Variants in FGF14 observed in about 807,000 individuals in gnomAD.
The protein encoded by FGF14 is fibroblast growth factor 14.
Under a neutral mutation model 25.5 loss-of-function variants are expected in FGF14, and 5 were observed. The observed-to-expected ratio is 0.20, with a 90% CI of 0.10 to 0.41. The LOEUF (loss-of-function observed/expected upper bound fraction) is 0.41, where lower values mean the gene tolerates loss of function less well. Among genes scored for constraint, FGF14 ranks in the 10% least tolerant of loss-of-function variants. The probability of loss-of-function intolerance (pLI) is 1.00; values close to 1 mark genes in which losing one functional copy is unlikely to be tolerated. For synonymous variants in FGF14, 138 were observed against 118.3 expected (o/e 1.17, Z -1.08); for missense variants, 222 against 320.1 (o/e 0.69, Z 2.34).
intron 3 of FGF14, among the ~76,000 whole-genome samples, chr13:101,821,316 TCTTTTTCTC>T (rs1423624015): frequency 6.6e-6 from 1 of 152,192 alleles, no homozygotes; most frequent in Non-Finnish European, 1.5e-5. Context: ...GTGTCTGGTT[TCTTTTTCTC>T]CTTTTTATGT....
intron 3 of FGF14, among the ~76,000 whole-genome samples, chr13:101,760,874 A>T: frequency 6.6e-6 from 1 of 152,174 alleles, no homozygotes; most frequent in East Asian, 1.9e-4. Context: ...GTAGACAATG[A>T]GCATTTGTCT....
At chr13:102,194,031 T>G (rs1402248607) in intron 1 of FGF14, among the ~76,000 whole-genome samples, 1 of 152,060 alleles carries the variant, frequency 6.6e-6, no homozygotes, top group Non-Finnish European at 1.5e-5. Context: ...AAACCATGAA[T>G]ACACATTTAA....
intron 3 of FGF14, among the ~76,000 whole-genome samples, chr13:101,770,262 T>C (rs2038687687): frequency 1.3e-5 from 2 of 152,180 alleles, no homozygotes; most frequent in African/African-American, 4.8e-5. Flanking sequence ...TGTGGGCTAA[T>C]GTGTGCTGTT....
intron 1 of FGF14, among the ~76,000 whole-genome samples, chr13:102,361,757 A>T (rs1460165976): frequency 6.6e-6 from 1 of 152,198 alleles, no homozygotes; most frequent in Non-Finnish European, 1.5e-5. Flanking sequence ...CAGATTTCAC[A>T]TCTTCCAAAC....
Position 102,210,411 on chromosome 13 carries a change from C to T in FGF14, c.208+191060G>A, listed in dbSNP as rs1240857005. Among the ~76,000 whole-genome samples, 4 of 151,938 alleles carry T rather than the reference C, an allele frequency of 2.6e-5. No individual in the cohort carries two copies. The East Asian group carries it at 5.8e-4, about 22-fold the overall frequency. ...CATATATTCTTAAAAGAGAGATGTA[C>T]CATTTTTGTTCTAAAATGGAAACAT... On this transcript the variant is annotated intron_variant, in intron 1 of 4. Transcript: ENST00000376131.
chr13:101,949,151 T>C (rs1343908390), intron 1 of FGF14, among the ~76,000 whole-genome samples: 2 of 152,234 alleles, frequency 1.3e-5, no homozygotes, highest in Non-Finnish European at 2.9e-5. Context: ...TTTCTAAATA[T>C]GTGCCTCGGT....
intron 1 of FGF14, among the ~76,000 whole-genome samples, chr13:102,176,009 A>C (rs1293848156): frequency 6.6e-6 from 1 of 152,110 alleles, no homozygotes; most frequent in Non-Finnish European, 1.5e-5. Context: ...AACAGTATAG[A>C]GATTTCTCCA....
chr13:102,328,241 C>A (rs2056524331), intron 1 of FGF14, among the ~76,000 whole-genome samples: 1 of 152,172 alleles, frequency 6.6e-6, no homozygotes, highest in African/African-American at 2.4e-5. Flanking sequence ...TTCATAAGTA[C>A]ATTTATTATT....
At chr13:102,158,203 G>A (rs563210853) in intron 1 of FGF14, among the ~76,000 whole-genome samples, 5 of 152,196 alleles carry the variant, frequency 3.3e-5, no homozygotes, top group East Asian at 3.9e-4. Context: ...TCATGCTGCT[G>A]TAAAGACACA....
intron 1 of FGF14, among the ~76,000 whole-genome samples, chr13:102,141,502 G>A (rs1040668192): frequency 3.9e-5 from 6 of 152,208 alleles, no homozygotes; most frequent in Admixed American, 6.5e-5. Flanking sequence ...AAATGCATTT[G>A]TGGAAAATGT....
chr13:102,399,834 G>A (rs1195967353), intron 1 of FGF14, among the ~76,000 whole-genome samples: 1 of 152,096 alleles, frequency 6.6e-6, no homozygotes, highest in African/African-American at 2.4e-5. Context: ...ACTCAGGGCA[G>A]AGCCCAGAGC....
intron 3 of FGF14, among the ~76,000 whole-genome samples, chr13:101,787,131 C>T (rs954784239): frequency 5.9e-5 from 9 of 151,998 alleles, no homozygotes; most frequent in Admixed American, 5.9e-4. Flanking sequence ...GAAAAAAACA[C>T]TAGGCTATAA....
rs370835816 is a variant in FGF14, at chr13:102,338,421, C to A, written c.208+63050G>T. 5.4e-4 allele frequency among the ~76,000 whole-genome samples: 82 copies of A among 152,236 alleles called. 2 individuals are homozygous for A. In the South Asian group the frequency reaches 0.015, roughly 28 times the overall value. On this transcript the variant is annotated intron_variant, in intron 1 of 4. Coordinates refer to the FGF14 transcript ENST00000376131. ...TGGAGAGAGTGGGGGAAAATGTGGA[C>A]ATACTGACTGACATTTGGGGACCCC... is the stretch of plus-strand genomic sequence containing the variant.
At chr13:102,012,053 A>T (rs1424982711) in intron 1 of FGF14, among the ~76,000 whole-genome samples, 1 of 152,166 alleles carries the variant, frequency 6.6e-6, no homozygotes, top group Non-Finnish European at 1.5e-5. Flanking sequence ...AATGAGGGAC[A>T]GGAGTAAAAT....
rs774872814 is a variant in FGF14, at chr13:102,006,727, C to CTTTTTTTT, written c.209-131439_209-131432dup. 3.1e-3 allele frequency among the ~76,000 whole-genome samples: 191 copies of CTTTTTTTT among 61,972 alleles called. 23 individuals are homozygous for CTTTTTTTT. The highest frequency in any genetic ancestry group is 4.0e-3 in the Non-Finnish European group (146 of 36,466). 40.7% of individuals were successfully genotyped at this position (61,972 alleles called of 152,430 possible). A position where few individuals can be genotyped will look rare whatever the true frequency, so the allele number is the denominator to read the frequency against. The stretch of plus-strand genomic sequence containing the variant: ...AAATATGAGTCACAAAATCTTACTT[C>CTTTTTTTT]TTTTTTTTTTTTTTTTTTTTTTTTT... On this transcript the variant is annotated intron_variant, in intron 1 of 4. Coordinates refer to the FGF14 transcript ENST00000376131.
chr13:101,966,872 A>G (rs2037238950), intron 1 of FGF14, among the ~76,000 whole-genome samples: 1 of 152,158 alleles, frequency 6.6e-6, no homozygotes, highest in Non-Finnish European at 1.5e-5. Context: ...ACAGTTCGTT[A>G]TTGTTTGGCG....
At chr13:102,047,687 T>G (rs1478686152) in intron 1 of FGF14, among the ~76,000 whole-genome samples, 5 of 148,636 alleles carry the variant, frequency 3.4e-5, no homozygotes, top group Non-Finnish European at 6.0e-5. Context: ...TGTGGGGTGG[T>G]GGGAAGGGGG....
In FGF14 at chr13:101,876,749, C is replaced by G. The variant is rs746652772; in HGVS notation, c.194-1453G>C. 5.3e-5 allele frequency among the ~76,000 whole-genome samples: 8 copies of G among 152,156 alleles called. No individual in the cohort carries two copies. In the South Asian group the frequency reaches 8.3e-4, roughly 16 times the overall value. On this transcript the variant is annotated intron_variant, in intron 1 of 4. Transcript: ENST00000376143. ...CATTGCGTTACATATGTTCCTTATT[C>G]TGTAGTATATAACTTCCCAAATCAC...
intron 1 of FGF14, among the ~76,000 whole-genome samples, chr13:102,240,210 A>G (rs1046713983): frequency 1.3e-5 from 2 of 152,158 alleles, no homozygotes; most frequent in African/African-American, 4.8e-5. Flanking sequence ...AAGATTATGA[A>G]CAGGAGTTTA....
Sources: gnomAD v4.1 joint callset for allele counts (sites outside exome capture counted in the v4.1 genomes callset) on GRCh38, gnomAD v4.1.1 for gene constraint, MANE v1.5 for transcripts, NCBI Gene and HGNC (gene_info 2026-07-23, HGNC 2026-07-21) for gene names.